The following MTRF1 variants were observed in gnomAD, a reference collection of about 807,000 sequenced individuals.
MTRF1 encodes the protein mitochondrial translation release factor 1.
MTRF1 carries 51 observed loss-of-function variants against 62.9 expected under a neutral mutation model. The ratio of observed to expected loss-of-function variants is 0.81; its 90% CI spans 0.65 to 1.02. The LOEUF (loss-of-function observed/expected upper bound fraction) is 1.02, where lower values mean the gene tolerates loss of function less well. Ranked by LOEUF, MTRF1 falls within the 50% of genes least tolerant of loss-of-function variation. MTRF1 has a pLI of 0.00. For synonymous variants in MTRF1, 158 were observed against 181.9 expected (o/e 0.87, Z 1.06); for missense variants, 446 against 530.0 (o/e 0.84, Z 1.56).
At chr13:41,241,189 C>T (rs1215285508) in intron 5 of MTRF1, among the ~76,000 whole-genome samples, 5 of 152,056 alleles carry the variant, frequency 3.3e-5, no homozygotes, top group Admixed American at 3.3e-4. Flanking sequence ...GGATTACAGG[C>T]ACCCACCACC....
At chr13:41,246,957 T>TA (rs1169186059) in intron 5 of MTRF1, among the ~76,000 whole-genome samples, 7 of 152,318 alleles carry the variant, frequency 4.6e-5, no homozygotes, top group Admixed American at 1.3e-4. Flanking sequence ...TTTCCTTATG[T>TA]GTAAATAATA....
the MTRF1 span, among the ~76,000 whole-genome samples, chr13:41,307,265 T>C: frequency 3.3e-5 from 5 of 152,110 alleles, no homozygotes; most frequent in Non-Finnish European, 5.9e-5. Flanking sequence ...GACTGGATCA[T>C]GGGGACAGAT....
In MTRF1 at chr13:41,217,157, G is replaced by T. The variant is rs752673014; in HGVS notation, c.1296C>A (p.Ala432=). 1.2e-6 allele frequency: 2 copies of T among 1,608,452 alleles called. No homozygotes were observed. The highest frequency in any genetic ancestry group is 4.5e-5 in the East Asian group (2 of 44,644). The change falls in exon 10 of 10, where the codon GCC becomes GCA. Residue 432 remains alanine, a synonymous_variant. Coordinates refer to ENST00000379480, the MANE Select transcript of MTRF1 (RefSeq NM_004294.4). ...GGTGTTCATCCAAAAGTTCAGCAAT[G>T]GCTTCTTCATCTGCTGATTGAAGCA... ...QRLLQSADEE[A]IAELLDEHLK...
At chr13:41,260,432 T>G in intron 2 of MTRF1, 61 bp downstream of exon 2, 4 of 1,358,356 alleles carry the variant, frequency 2.9e-6, no homozygotes, top group Non-Finnish European at 4.0e-6. Context: ...CACACGCATA[T>G]AAGTGTGTGG....
At chr13:41,240,558 GAGA>G (rs2037351165) in intron 5 of MTRF1, 125 bp from the exon 6 acceptor site, 2 of 713,274 alleles carry the variant, frequency 2.8e-6, no homozygotes, top group Non-Finnish European at 4.1e-6. Context: ...TAAAGCATGG[GAGA>G]ACGAGGGCCT....
chr13:41,269,434 G>A, the MTRF1 span, among the ~76,000 whole-genome samples: 2 of 151,792 alleles, frequency 1.3e-5, no homozygotes, highest in African/African-American at 2.4e-5. Flanking sequence ...TCCTGACCAT[G>A]TGATCTGCCT....
the MTRF1 span, chr13:41,311,625 T>G: frequency 6.4e-7 from 1 of 1,572,534 alleles, no homozygotes; most frequent in Non-Finnish European, 8.6e-7. Flanking sequence ...GGTCCCCGGG[T>G]CCTCGGGCCT....
chr13:41,245,655 CTT>C (rs1215488618), intron 5 of MTRF1, among the ~76,000 whole-genome samples: 2 of 152,302 alleles, frequency 1.3e-5, no homozygotes, highest in East Asian at 1.9e-4. Flanking sequence ...TCTTTACTCT[CTT>C]GTGTCTCATA....
intron 5 of MTRF1, among the ~76,000 whole-genome samples, chr13:41,252,042 G>C (rs1358138241): frequency 6.6e-6 from 1 of 152,108 alleles, no homozygotes; most frequent in Non-Finnish European, 1.5e-5. Context: ...ACCATGCCCA[G>C]TTAATTTTTG....
At chr13:41,251,817 T>C (rs1399745660) in intron 5 of MTRF1, among the ~76,000 whole-genome samples, 2 of 152,154 alleles carry the variant, frequency 1.3e-5, no homozygotes, top group African/African-American at 4.8e-5. Context: ...AGAGAATTAT[T>C]ATCATGTTTT....
intron 3 of MTRF1, among the ~76,000 whole-genome samples, 196 bp downstream of exon 3, chr13:41,254,333 G>A (rs771732041): frequency 2.0e-5 from 3 of 151,710 alleles, no homozygotes; most frequent in African/African-American, 7.3e-5. Flanking sequence ...TTTACCCTGG[G>A]AGTCTTTATT....
At chr13:41,261,122 G>T (rs1014284724) in intron 1 of MTRF1, among the ~76,000 whole-genome samples, 2 of 152,096 alleles carry the variant, frequency 1.3e-5, no homozygotes, top group Non-Finnish European at 2.9e-5. Flanking sequence ...TCACCTGAGG[G>T]CAGGAGTTCG....
chr13:41,289,961 C>T, the MTRF1 span, among the ~76,000 whole-genome samples: 1 of 152,162 alleles, frequency 6.6e-6, no homozygotes, highest in African/African-American at 2.4e-5. Context: ...AGGGAAAACG[C>T]TTCCACAACT....
At chr13:41,270,904 ATTTTTTGG>A in the MTRF1 span, among the ~76,000 whole-genome samples, 6 of 151,780 alleles carry the variant, frequency 4.0e-5, no homozygotes, top group Admixed American at 2.0e-4. Flanking sequence ...TGCCCGGCTA[ATTTTTTGG>A]ATTTTTAGTA....
chr13:41,218,538 G>A (rs993707365), intron 9 of MTRF1, among the ~76,000 whole-genome samples: 3 of 152,132 alleles, frequency 2.0e-5, no homozygotes, highest in African/African-American at 7.2e-5. Context: ...GTTTTGAGTT[G>A]ACTTCCCTGA....
At chr13:41,220,513 G>C in intron 9 of MTRF1, 1 of 1,096,800 alleles carries the variant, frequency 9.1e-7, no homozygotes, top group East Asian at 5.8e-5. Context: ...TTATTAGCTC[G>C]ATAAATAAAA....
At chr13:41,294,487 T>C in the MTRF1 span, among the ~76,000 whole-genome samples, 2 of 152,036 alleles carry the variant, frequency 1.3e-5, no homozygotes, top group African/African-American at 4.8e-5. Context: ...AAAAATTTTT[T>C]GTCTATTTTG....
intron 5 of MTRF1, among the ~76,000 whole-genome samples, chr13:41,249,457 T>C (rs2139060923): frequency 6.6e-6 from 1 of 151,180 alleles, no homozygotes; most frequent in East Asian, 2.0e-4. Flanking sequence ...AGGAGAATGG[T>C]GTGAACCTGG....
the MTRF1 span, chr13:41,311,384 C>G: frequency 1.4e-6 from 1 of 725,046 alleles, no homozygotes; most frequent in Middle Eastern, 2.4e-4. Flanking sequence ...GCCAGGCTGC[C>G]CAATTGCAAC....
Sources: allele counts gnomAD v4.1 joint callset (sites outside exome capture counted in the v4.1 genomes callset), GRCh38; gene constraint gnomAD v4.1.1; transcripts MANE v1.5; gene names NCBI Gene and HGNC (gene_info 2026-07-23, HGNC 2026-07-21).